The following TBX3 variants were observed in gnomAD, a reference collection of about 807,000 sequenced individuals.
TBX3 encodes T-box transcription factor 3, also known as T-box transcription factor TBX3.
Under a neutral mutation model 47.8 loss-of-function variants are expected in TBX3, and 11 were observed. The observed-to-expected ratio is 0.23, with a 90% confidence interval of 0.14 to 0.38. The LOEUF is 0.38. TBX3 is among the 10% of genes least tolerant of loss of function. The pLI, the probability that TBX3 is intolerant of heterozygous loss-of-function variation, is 1.00. For missense variants in TBX3, 927 were observed against 1,022.8 expected, an observed-to-expected ratio of 0.91 and a Z score of 1.28; for synonymous variants, 500 against 449.3, an observed-to-expected ratio of 1.11 and a Z score of -1.43.
intron 2 of TBX3, chr12:114,680,162 C>T (rs1868865758): frequency 9.4e-6 from 6 of 638,146 alleles, no homozygotes; most frequent in African/African-American, 3.6e-5. Context: ...CCGCGCCATT[C>T]GCGTCTTCCT....
chr12:114,672,449 G>GT (rs1868492047), intron 6 of TBX3, 147 bp from the exon 7 acceptor site: 4 of 650,574 alleles, frequency 6.1e-6, no homozygotes, highest in Admixed American at 3.7e-5. Flanking sequence ...TTTTTTTTTG[G>GT]GGGGGGAGAT....
rs1869028792 is a variant in TBX3, at chr12:114,683,269, T to C, written c.-69A>G. 1.3e-6 allele frequency: 2 copies of C among 1,583,888 alleles called. No homozygotes were observed. Among genetic ancestry groups the C allele is most frequent in the Non-Finnish European group, 1.7e-6 (2 of 1,162,558 alleles). The stretch of plus-strand genomic sequence containing the variant: ...CAGCTGCTGTGTTTTGTTGTTTTTT[T>C]GTTGTTGTTTAACAGCAGCACATAA... On this transcript the variant is annotated 5_prime_UTR_variant, in exon 1 of 7. Coordinates refer to ENST00000349155, the MANE Select transcript of TBX3 (RefSeq NM_005996.4). The surrounding 1 kb of genome is among the most constrained non-coding windows in gnomAD (Gnocchi z 7.7).
chr12:114,680,732 C>T (rs995388779), intron 2 of TBX3, 147 bp downstream of exon 2: 9 of 1,215,000 alleles, frequency 7.4e-6, no homozygotes, highest in Middle Eastern at 1.9e-4. Context: ...AGAAACACCC[C>T]GAATCCTTTT....
Position 114,671,482 on chromosome 12 carries a change from A to G in TBX3, c.*359T>C, listed in dbSNP as rs754174843. ...GACACAGTGAAGGAAAAATATATAT[A>G]TAAATCCGCACTGAGGGAGATGTCT... On this transcript the variant is annotated 3_prime_UTR_variant, in exon 7 of 7. Coordinates refer to ENST00000349155, the MANE Select transcript of TBX3 (RefSeq NM_005996.4). 2 of 368,738 alleles carry G rather than the reference A, an allele frequency of 5.4e-6. No homozygotes were observed. The highest frequency in any genetic ancestry group is 9.9e-6 in the Non-Finnish European group (2 of 202,068). 22.8% of individuals were successfully genotyped at this position (368,738 alleles called of 1,614,324 possible).
chr12:114,681,273 A>G (rs1028452745), intron 1 of TBX3, 127 bp from the exon 2 acceptor site: 52 of 1,351,492 alleles, frequency 3.8e-5, no homozygotes, highest in Non-Finnish European at 5.2e-5. Flanking sequence ...ATAAGCTTAC[A>G]TGTTTCAGAG....
At position 114,683,139 on chromosome 12, in the gene TBX3, A is replaced by G. The variant is rs953914634; in HGVS notation, c.62T>C (p.Leu21Pro). The G allele has an allele frequency of 9.3e-6, 15 of 1,612,784 alleles. No individual in the cohort carries two copies. The highest frequency in any genetic ancestry group is 1.3e-5 in the Non-Finnish European group (15 of 1,179,692). Residue 21 changes from leucine to proline, a missense_variant, in exon 1 of 7, where the codon CTA (leucine) becomes CCA (proline). Leu to Pro is a moderately conservative substitution (Grantham distance 98). Around this residue, in one of 5 missense-constraint regions of TBX3, gnomAD observed 216 missense variants for 281.2 expected, o/e 0.77. Coordinates refer to ENST00000349155, the MANE Select transcript of TBX3 (RefSeq NM_005996.4). The surrounding 1 kb of genome is among the most constrained non-coding windows in gnomAD (Gnocchi z 7.7). ...GGCGAAGTCCGGCGCCCGGTGAGGT[A>G]GGAACGGATGGTAGGCCATGCTTGT... ...PGTSMAYHPFLPHRAPDFAMS... is the reference protein window; with the variant it reads ...PGTSMAYHPFPPHRAPDFAMS...
intron 1 of TBX3, among the ~76,000 whole-genome samples, chr12:114,681,391 C>T (rs1358817345): frequency 2.0e-5 from 3 of 152,220 alleles, no homozygotes; most frequent in Admixed American, 2.0e-4. Flanking sequence ...CATTGTGGCA[C>T]TGCAATTCTC....
At position 114,674,811 on chromosome 12, in the gene TBX3, C is replaced by T. The variant is rs2121385745; in HGVS notation, c.1064G>A (p.Ser355Asn). The T allele has an allele frequency of 6.3e-7, 1 of 1,576,118 alleles. No homozygotes were observed. The highest frequency in any genetic ancestry group is 8.6e-7 in the Non-Finnish European group (1 of 1,167,126). The part of the protein sequence containing the change: ...LKDLCPSEGE[S>N]DAEAESKEEH... ...CTCTTTGCTCTCGGCCTCGGCGTCGCTCTCACCCTCGCTGGGACATAAATC... is the reference window on the plus strand; with the variant it reads ...CTCTTTGCTCTCGGCCTCGGCGTCGTTCTCACCCTCGCTGGGACATAAATC... The change falls in exon 6 of 7, where the codon AGC (serine) becomes AAC (asparagine). Residue 355 changes from serine to asparagine, a missense_variant. Physicochemically the swap from Ser to Asn is conservative, Grantham distance 46. Transcript: ENST00000349155.
In TBX3 at chr12:114,683,239, G is replaced by A. The variant is rs916327651; in HGVS notation, c.-39C>T. ...GGCGCTGGGCTCCAGCCGGGGACAA[G>A]TCCGCAGCTGCTGTGTTTTGTTGTT... On this transcript the variant is annotated 5_prime_UTR_variant, in exon 1 of 7. Coordinates refer to ENST00000349155, the MANE Select transcript of TBX3 (RefSeq NM_005996.4). The surrounding 1 kb of genome is among the most constrained non-coding windows in gnomAD (Gnocchi z 7.7). 1.2e-6 allele frequency: 2 copies of A among 1,603,564 alleles called. No individual in the cohort carries two copies. The highest frequency in any genetic ancestry group is 2.2e-5 in the East Asian group (1 of 44,604).
chr12:114,672,999 G>A (rs1212892708), intron 6 of TBX3, among the ~76,000 whole-genome samples: 1 of 152,248 alleles, frequency 6.6e-6, no homozygotes, highest in Non-Finnish European at 1.5e-5. Context: ...GTAGGCCGCA[G>A]GAGTTCAGGA....
Position 114,683,330 on chromosome 12 carries a change from G to A in TBX3, c.-130C>T. On this transcript the variant is annotated 5_prime_UTR_variant, in exon 1 of 7. Transcript: ENST00000349155. The surrounding 1 kb of genome is among the most constrained non-coding windows in gnomAD (Gnocchi z 7.7). ...GGGAAAAAGCAAAACAAAAAAGAAA[G>A]AAAAAAGAAAAGGAGGCAGAAATCA... 3.9e-6 allele frequency: 5 copies of A among 1,283,848 alleles called. No individual in the cohort carries two copies. In the Admixed American group the frequency reaches 7.5e-5, roughly 19 times the overall value. The allele number at this position is 1,283,848 out of a possible 1,614,324, so 79.5% of individuals were successfully genotyped here.
Position 114,674,173 on chromosome 12 carries a change from C to A in TBX3, c.1702G>T (p.Ala568Ser), listed in dbSNP as rs1326245416. 3 of 1,582,932 alleles carry A rather than the reference C, an allele frequency of 1.9e-6. No individual in the cohort carries two copies. Among genetic ancestry groups the A allele is most frequent in the East Asian group, 2.3e-5 (1 of 43,962 alleles). ...LPFHLQQHVL[A>S]SQGLAMSPFG... Reference sequence around the variant, plus strand: ...GGAAGAAGGATCCATACCTGAGAGGCCAGGACGTGCTGCTGGAGGTGGAAG... The same window carrying A: ...GGAAGAAGGATCCATACCTGAGAGGACAGGACGTGCTGCTGGAGGTGGAAG... The change falls in exon 6 of 7, where the codon GCC becomes TCC. Residue 568 changes from alanine (A) to serine (S), a missense_variant. Ala to Ser is a moderately conservative substitution (Grantham distance 99). Around this residue, in one of 5 missense-constraint regions of TBX3, gnomAD observed 623 missense variants for 569.0 expected, o/e 1.09. Transcript: ENST00000349155.
rs1488198311 is a variant in TBX3, at chr12:114,674,243, G to A, written c.1632C>T (p.Ala544=). ...CCCCGGACAGTCCCTGCGCCGCAGC[G>A]GCAGAGGCCATGGCCGTGGAATCCA... ...SGLDSTAMAS[A]AAAQGLSGAS... is the part of the protein sequence containing the mutation. The change falls in exon 6 of 7, where the codon GCC becomes GCT. Residue 544 remains alanine, a synonymous_variant. Coordinates refer to ENST00000349155, the MANE Select transcript of TBX3 (RefSeq NM_005996.4). 2.5e-6 allele frequency: 4 copies of A among 1,575,934 alleles called. No homozygotes were observed. The highest frequency in any genetic ancestry group is 1.9e-5 in the Admixed American group (1 of 53,302).
At chr12:114,681,427 A>AT (rs1004398646) in intron 1 of TBX3, among the ~76,000 whole-genome samples, 4 of 150,000 alleles carry the variant, frequency 2.7e-5, no homozygotes, top group South Asian at 2.1e-4. Context: ...TTTCTTCAAT[A>AT]TTTTTTTTGT....
rs774475860 is a variant in TBX3, at chr12:114,683,409, C to T, written c.-209G>A. 4.6e-5 allele frequency: 31 copies of T among 671,464 alleles called. No individual in the cohort carries two copies. The Middle Eastern group carries it at 1.3e-3, about 28-fold the overall frequency. The allele number at this position is 671,464 out of a possible 1,614,324, so 41.6% of individuals were successfully genotyped here. On this transcript the variant is annotated 5_prime_UTR_variant, in exon 1 of 7. Coordinates refer to ENST00000349155, the MANE Select transcript of TBX3 (RefSeq NM_005996.4). The surrounding 1 kb of genome is among the most constrained non-coding windows in gnomAD (Gnocchi z 7.7). Reference sequence around the variant, plus strand: ...GAAGTGTCTTTTGGAGAATGGGAGGCCGCTTTTAAAGAGGGCAAGGCGAAA... The same window carrying T: ...GAAGTGTCTTTTGGAGAATGGGAGGTCGCTTTTAAAGAGGGCAAGGCGAAA...
Position 114,674,763 on chromosome 12 carries a change from T to A in TBX3, c.1112A>T (p.Asp371Val), listed in dbSNP as rs1477407647. 1 of 1,588,356 alleles carries A rather than the reference T, an allele frequency of 6.3e-7. No individual in the cohort carries two copies. Among genetic ancestry groups the A allele is most frequent in the Non-Finnish European group, 8.5e-7 (1 of 1,172,502 alleles). Residue 371 changes from aspartate (D) to valine (V), a missense_variant, in exon 6 of 7, where the codon GAC (aspartate) becomes GTC (valine). Physicochemically the swap from Asp to Val is radical, Grantham distance 152 (BLOSUM62 -3). Transcript: ENST00000349155. ...SKEEHGPEACDAAKISTTTSE... is the reference protein window; with the variant it reads ...SKEEHGPEACVAAKISTTTSE... ...CGTGGTGGTGGAGATCTTGGCCGCGTCGCAGGCCTCGGGGCCATGCTCCTC... is the reference window on the plus strand; with the variant it reads ...CGTGGTGGTGGAGATCTTGGCCGCGACGCAGGCCTCGGGGCCATGCTCCTC...
chr12:114,679,451 T>G, intron 3 of TBX3, 54 bp downstream of exon 3: 1 of 1,612,564 alleles, frequency 6.2e-7, no homozygotes, highest in East Asian at 2.2e-5. Flanking sequence ...TTAAAGCAGC[T>G]TTTAAGGGGA....
intron 3 of TBX3, among the ~76,000 whole-genome samples, chr12:114,679,292 GT>G: frequency 6.6e-6 from 1 of 152,006 alleles, no homozygotes; most frequent in South Asian, 2.1e-4. Flanking sequence ...TTAGTATGGC[GT>G]TTTTTTGCTC....
intron 5 of TBX3, among the ~76,000 whole-genome samples, chr12:114,675,456 T>G (rs938276507): frequency 1.4e-4 from 21 of 152,220 alleles, no homozygotes; most frequent in African/African-American, 4.8e-4. Context: ...GTCGGACAGA[T>G]GGCTCACAGC....
Sources: allele counts gnomAD v4.1 joint callset (sites outside exome capture counted in the v4.1 genomes callset), GRCh38; gene constraint gnomAD v4.1.1; regional missense constraint gnomAD v4.1.1; non-coding constraint Gnocchi (gnomAD v3.1); transcripts MANE v1.5; gene names NCBI Gene and HGNC (gene_info 2026-07-23, HGNC 2026-07-21).